Variants in RYR2 observed in about 807,000 individuals in gnomAD.
RYR2 encodes ryanodine receptor 2.
Under a neutral mutation model 601.1 loss-of-function variants are expected in RYR2, and 227 were observed. The observed-to-expected ratio is 0.38, with a 90% confidence interval of 0.34 to 0.42. The LOEUF (loss-of-function observed/expected upper bound fraction) is 0.42, where lower values mean the gene tolerates loss of function less well. RYR2 is among the 10% of genes least tolerant of loss of function. RYR2 has a pLI of 1.00. For synonymous variants in RYR2, 2,223 were observed against 2,175.1 expected, an observed-to-expected ratio of 1.02 and a Z score of -0.61; for missense variants, 4,646 against 6,156.5, an observed-to-expected ratio of 0.75 and a Z score of 8.21.
At chr1:237,355,437 A>T (rs538657046) in intron 3 of RYR2, among the ~76,000 whole-genome samples, 3 of 152,182 alleles carry the variant, frequency 2.0e-5, no homozygotes, top group African/African-American at 7.2e-5. Context: ...ACTTTAAAAA[A>T]TAATTTGATT....
chr1:237,779,072 G>A (rs1312433480), intron 88 of RYR2, among the ~76,000 whole-genome samples: 1 of 152,162 alleles, frequency 6.6e-6, no homozygotes, highest in African/African-American at 2.4e-5. Context: ...CATTTCACAA[G>A]CTTCATCTTC....
At chr1:237,378,423 A>C (rs1701205381) in intron 8 of RYR2, among the ~76,000 whole-genome samples, 1 of 152,230 alleles carries the variant, frequency 6.6e-6, no homozygotes, top group Admixed American at 6.5e-5. Context: ...AAGTAAGTTG[A>C]AATGAAGATG....
At chr1:237,211,347 A>T (rs2149094936) in intron 1 of RYR2, among the ~76,000 whole-genome samples, 1 of 152,316 alleles carries the variant, frequency 6.6e-6, no homozygotes, top group African/African-American at 2.4e-5. Context: ...AGAGGCTAAG[A>T]TGTGTAGGCA....
intron 25 of RYR2, among the ~76,000 whole-genome samples, chr1:237,532,308 G>C (rs1212138103): frequency 6.6e-6 from 1 of 151,988 alleles, no homozygotes; most frequent in Non-Finnish European, 1.5e-5. Flanking sequence ...TGGCAGAGTG[G>C]TTGCATTCTT....
At chr1:237,481,454 G>T (rs2150364523) in intron 17 of RYR2, among the ~76,000 whole-genome samples, 1 of 152,248 alleles carries the variant, frequency 6.6e-6, no homozygotes, top group South Asian at 2.1e-4. Flanking sequence ...TTAAAAAGAT[G>T]TGTTGTAATT....
chr1:237,770,946 G>A (rs1427923447), intron 85 of RYR2, 59 bp downstream of exon 85: 10 of 1,025,772 alleles, frequency 9.7e-6, no homozygotes, highest in Middle Eastern at 2.2e-4. Context: ...TTTCAAGCCA[G>A]TAATAACAAG....
At chr1:237,141,085 A>G (rs1673338203) in intron 1 of RYR2, among the ~76,000 whole-genome samples, 1 of 152,200 alleles carries the variant, frequency 6.6e-6, no homozygotes, top group Admixed American at 6.5e-5. Context: ...AAAGTGTGAG[A>G]ACAGCTTCTG....
chr1:237,666,558 T>A lies in RYR2; in HGVS notation c.8483T>A (p.Met2828Lys). The change falls in exon 57 of 105, where the codon ATG (methionine) becomes AAG (lysine). Residue 2828 changes from methionine (M) to lysine (K), a missense_variant. By Grantham distance (95) the Met-to-Lys change is moderately conservative (BLOSUM62 -1). This residue lies in a region of RYR2 where 1,497 missense variants were observed against 1,842.6 expected (regional missense o/e 0.81). Transcript: ENST00000366574. ...GGTTACAGTCCCCGGGCCATTGACATGAGCAATGTTACACTATCTAGAGAC... is the reference window on the plus strand; with the variant it reads ...GGTTACAGTCCCCGGGCCATTGACAAGAGCAATGTTACACTATCTAGAGAC... ...AHGYSPRAID[M>K]SNVTLSRDLH... 6.2e-7 allele frequency: 1 copy of A among 1,612,876 alleles called. No individual in the cohort carries two copies. The highest frequency in any genetic ancestry group is 8.5e-7 in the Non-Finnish European group (1 of 1,179,422).
intron 80 of RYR2, among the ~76,000 whole-genome samples, chr1:237,746,534 C>CAT (rs757733232): frequency 5.3e-5 from 8 of 151,574 alleles, no homozygotes; most frequent in African/African-American, 4.8e-5. Context: ...CTTCTTCCAT[C>CAT]ATATATATAT....
chr1:237,169,520 G>A (rs1024688553), intron 1 of RYR2, among the ~76,000 whole-genome samples: 2 of 100,328 alleles, frequency 2.0e-5, no homozygotes, highest in South Asian at 3.8e-4. Flanking sequence ...GGCTGGTCTC[G>A]AACTCCTGAC....
chr1:237,568,281 G>T (rs1672304572), intron 28 of RYR2, among the ~76,000 whole-genome samples: 1 of 152,120 alleles, frequency 6.6e-6, no homozygotes, highest in Admixed American at 6.5e-5. Flanking sequence ...ATATTAAGAA[G>T]AATTATGTCA....
chr1:237,278,099 C>T (rs901864084), intron 2 of RYR2, among the ~76,000 whole-genome samples: 2 of 151,920 alleles, frequency 1.3e-5, no homozygotes, highest in African/African-American at 4.8e-5. Context: ...GAGTCAGGAT[C>T]TGGCTGTTTT....
chr1:237,525,324 C>T (rs1173132335), intron 24 of RYR2, among the ~76,000 whole-genome samples: 3 of 152,120 alleles, frequency 2.0e-5, no homozygotes, highest in Non-Finnish European at 2.9e-5. Flanking sequence ...GTATAGTTTT[C>T]CATGGTGTAT....
rs563861251 is a variant in RYR2, at chr1:237,238,993, A to G, written c.49-31504A>G. On this transcript the variant is annotated intron_variant, in intron 1 of 104. Transcript: ENST00000366574. ...CTCTGTTCTCACTCCTCTTTCATGA[A>G]GACATTGAGTGTGCTCAGGATTAGA... Among the ~76,000 whole-genome samples, 21 of 152,284 alleles carry G rather than the reference A, an allele frequency of 1.4e-4. No homozygotes were observed. The South Asian group carries it at 4.4e-3, about 32-fold the overall frequency.
chr1:237,385,651 C>T (rs543319382), intron 8 of RYR2, among the ~76,000 whole-genome samples: 7 of 152,164 alleles, frequency 4.6e-5, no homozygotes, highest in Admixed American at 6.5e-5. Flanking sequence ...TGGTTAAAAT[C>T]GGTGTCATTC....
intron 4 of RYR2, among the ~76,000 whole-genome samples, chr1:237,360,682 C>T (rs370177026): frequency 5.1e-4 from 78 of 152,126 alleles, no homozygotes; most frequent in African/African-American, 1.2e-3. Flanking sequence ...AACTAGATTC[C>T]AGTGATGGTC....
chr1:237,534,156 A>C (rs562326193), intron 25 of RYR2, among the ~76,000 whole-genome samples: 1 of 152,186 alleles, frequency 6.6e-6, no homozygotes, highest in Non-Finnish European at 1.5e-5. Context: ...ATACTGCTCA[A>C]AATGAAACTG....
At chr1:237,496,876 T>G in intron 20 of RYR2, 124 bp downstream of exon 20, 1 of 1,162,010 alleles carries the variant, frequency 8.6e-7, no homozygotes, top group Non-Finnish European at 1.2e-6. Context: ...AAATTTAGCA[T>G]TGAGATGATG....
intron 47 of RYR2, among the ~76,000 whole-genome samples, chr1:237,642,652 AG>A (rs1431373882): frequency 6.6e-6 from 1 of 152,160 alleles, no homozygotes; most frequent in Non-Finnish European, 1.5e-5. Context: ...ATTGTGCTTG[AG>A]TTTCACGCCC....
Sources: allele counts gnomAD v4.1 joint callset (sites outside exome capture counted in the v4.1 genomes callset), GRCh38; gene constraint gnomAD v4.1.1; regional missense constraint gnomAD v4.1.1; transcripts MANE v1.5; gene names NCBI Gene and HGNC (gene_info 2026-07-23, HGNC 2026-07-21).